BABAM2: variants seen among roughly 807,000 people sequenced by gnomAD.
BABAM2 encodes the protein BRISC and BRCA1 A complex member 2.
A neutral mutation model predicts 54.7 loss-of-function variants in BABAM2; 31 were observed. That is an observed-to-expected ratio of 0.57 (90% CI 0.43 to 0.77). BABAM2 has a LOEUF of 0.77. Ranked by LOEUF, BABAM2 falls within the 30% of genes least tolerant of loss-of-function variation. The probability of loss-of-function intolerance (pLI) is 0.00; values close to 1 mark genes in which losing one functional copy is unlikely to be tolerated. For synonymous variants in BABAM2, 167 were observed against 162.9 expected, an observed-to-expected ratio of 1.03 and a Z score of -0.19; for missense variants, 364 against 455.8, an observed-to-expected ratio of 0.80 and a Z score of 1.83.
At chr2:28,193,407 C>T (rs1361205121) in intron 7 of BABAM2, among the ~76,000 whole-genome samples, 1 of 152,120 alleles carries the variant, frequency 6.6e-6, no homozygotes, top group Non-Finnish European at 1.5e-5. Flanking sequence ...GTCTAGGGCT[C>T]TGGCTCTGAC....
At chr2:27,974,067 A>G (rs1329589262) in intron 3 of BABAM2, among the ~76,000 whole-genome samples, 1 of 152,226 alleles carries the variant, frequency 6.6e-6, no homozygotes, top group Admixed American at 6.5e-5. Context: ...AAAATCTTTC[A>G]CAAATGAAAT....
intron 7 of BABAM2, among the ~76,000 whole-genome samples, chr2:28,216,042 G>A (rs1303112224): frequency 6.6e-6 from 1 of 152,108 alleles, no homozygotes; most frequent in East Asian, 1.9e-4. Context: ...AGCTTTGATG[G>A]TGCCCAGAAT....
At chr2:28,038,086 G>GA (rs1460270127) in intron 5 of BABAM2, among the ~76,000 whole-genome samples, 5 of 152,054 alleles carry the variant, frequency 3.3e-5, no homozygotes, top group Non-Finnish European at 7.4e-5. Context: ...TAAATGCAAG[G>GA]AAAAACTAAA....
At chr2:27,936,681 A>G (rs1336726952) in intron 3 of BABAM2, among the ~76,000 whole-genome samples, 1 of 152,194 alleles carries the variant, frequency 6.6e-6, no homozygotes, top group Non-Finnish European at 1.5e-5. Context: ...CATCATTCTC[A>G]GTAAACTATC....
chr2:28,319,244 C>T (rs1237070449), intron 11 of BABAM2, among the ~76,000 whole-genome samples: 1 of 152,194 alleles, frequency 6.6e-6, no homozygotes, highest in Non-Finnish European at 1.5e-5. Flanking sequence ...CTCAGGGTCA[C>T]CTTGGCCAGT....
intron 6 of BABAM2, among the ~76,000 whole-genome samples, chr2:28,091,243 C>T (rs913131949): frequency 2.0e-5 from 3 of 151,816 alleles, no homozygotes; most frequent in Non-Finnish European, 4.4e-5. Context: ...TTAAATGATG[C>T]GAAAAAAATA....
At chr2:28,049,731 C>G (rs879418273) in intron 6 of BABAM2, among the ~76,000 whole-genome samples, 1 of 152,204 alleles carries the variant, frequency 6.6e-6, no homozygotes, top group Non-Finnish European at 1.5e-5. Flanking sequence ...CTCTGCCAAA[C>G]AGAGGCAGAA....
At chr2:28,336,652 A>G (rs1691496067) in intron 11 of BABAM2, among the ~76,000 whole-genome samples, 1 of 152,236 alleles carries the variant, frequency 6.6e-6, no homozygotes, top group South Asian at 2.1e-4. Flanking sequence ...CTGACGTTTC[A>G]GTGCTGCAGA....
At chr2:27,927,602 T>C (rs1175621491) in intron 2 of BABAM2, among the ~76,000 whole-genome samples, 1 of 152,208 alleles carries the variant, frequency 6.6e-6, no homozygotes, top group Non-Finnish European at 1.5e-5. Flanking sequence ...TAGAAAAGAT[T>C]ACACTAAAAG....
chr2:28,150,192 C>G (rs543702559), intron 7 of BABAM2, among the ~76,000 whole-genome samples: 135 of 152,312 alleles, frequency 8.9e-4, no homozygotes, highest in Admixed American at 2.7e-3. Context: ...CAAGTGAAGA[C>G]ACTCTAGTTC....
At chr2:28,256,331 C>T (rs935322411) in intron 10 of BABAM2, among the ~76,000 whole-genome samples, 1 of 152,058 alleles carries the variant, frequency 6.6e-6, no homozygotes, top group African/African-American at 2.4e-5. Flanking sequence ...TCTATTAGTA[C>T]CAAAGTTATT....
intron 11 of BABAM2, among the ~76,000 whole-genome samples, chr2:28,311,963 G>T (rs1452270157): frequency 6.6e-6 from 1 of 152,166 alleles, no homozygotes. Flanking sequence ...AATAATTCTA[G>T]ATGCAATACA....
intron 4 of BABAM2, among the ~76,000 whole-genome samples, chr2:28,013,785 G>T (rs1316007985): frequency 1.3e-5 from 2 of 150,110 alleles, no homozygotes; most frequent in Admixed American, 1.3e-4. Flanking sequence ...TGAGAGGCAG[G>T]TCAGAACCTT....
chr2:27,997,425 A>G (rs1673241039), intron 4 of BABAM2, among the ~76,000 whole-genome samples: 1 of 152,200 alleles, frequency 6.6e-6, no homozygotes, highest in South Asian at 2.1e-4. Flanking sequence ...ATGAAGTAGG[A>G]AGAAAGTTGA....
chr2:28,264,802 CTT>C (rs892578229), intron 10 of BABAM2, among the ~76,000 whole-genome samples: 2 of 152,166 alleles, frequency 1.3e-5, no homozygotes, highest in African/African-American at 4.8e-5. Flanking sequence ...AACACAAAGA[CTT>C]TACATGCTAA....
intron 7 of BABAM2, among the ~76,000 whole-genome samples, chr2:28,187,228 A>C (rs1676409333): frequency 6.6e-6 from 1 of 152,196 alleles, no homozygotes; most frequent in Admixed American, 6.5e-5. Context: ...CTCAGCCTGA[A>C]TCTTGCCTAT....
intron 11 of BABAM2, chr2:28,308,546 G>A: frequency 2.0e-6 from 1 of 493,720 alleles, no homozygotes; most frequent in South Asian, 1.5e-5. Flanking sequence ...CCCTGATCAG[G>A]CCTGATGGAG....
At chr2:28,060,758 G>C (rs190045539) in intron 6 of BABAM2, among the ~76,000 whole-genome samples, 1 of 152,216 alleles carries the variant, frequency 6.6e-6, no homozygotes, top group East Asian at 1.9e-4. Flanking sequence ...GGAATATTTA[G>C]AGATAAATCT....
At chr2:27,898,683 A>T (rs928704402) in intron 2 of BABAM2, among the ~76,000 whole-genome samples, 3 of 152,238 alleles carry the variant, frequency 2.0e-5, no homozygotes, top group Admixed American at 2.0e-4. Flanking sequence ...AGAGAAGCTC[A>T]TTACAAAAGG....
Sources: allele counts gnomAD v4.1 joint callset (sites outside exome capture counted in the v4.1 genomes callset), GRCh38; gene constraint gnomAD v4.1.1; transcripts MANE v1.5; gene names NCBI Gene and HGNC (gene_info 2026-07-23, HGNC 2026-07-21).